The following VPS36 variants were observed in gnomAD, a reference collection of about 807,000 sequenced individuals.
VPS36 encodes the protein vacuolar protein sorting 36 homolog, also known as vacuolar protein-sorting-associated protein 36.
A neutral mutation model predicts 63.5 loss-of-function variants in VPS36; 31 were observed. That is an observed-to-expected ratio of 0.49 (90% CI 0.37 to 0.66). The LOEUF (loss-of-function observed/expected upper bound fraction) is 0.66. VPS36 is among the 30% of genes least tolerant of loss of function. The pLI, the probability that VPS36 is intolerant of heterozygous loss-of-function variation, is 0.00. For synonymous variants in VPS36, 138 were observed against 157.2 expected (o/e 0.88, Z 0.91); for missense variants, 338 against 463.7 (o/e 0.73, Z 2.49).
In VPS36 at chr13:52,449,104, GA is replaced by G. The variant is rs1958372889; in HGVS notation, c.96+1394del. ...AGAGCCTGTAATCCCAGCTGTTTGG[GA>G]GGCCCAGGCGGGCGGATCATTTGAG... On this transcript the variant is annotated intron_variant, in intron 1 of 13. Coordinates refer to ENST00000378060, the MANE Select transcript of VPS36 (RefSeq NM_016075.4). Among the ~76,000 whole-genome samples the G allele has an allele frequency of 2.0e-5, 3 of 152,214 alleles. No individual in the cohort carries two copies. The South Asian group carries it at 6.2e-4, about 31-fold the overall frequency.
intron 10 of VPS36, among the ~76,000 whole-genome samples, chr13:52,420,111 G>A (rs774068643): frequency 1.1e-4 from 17 of 151,482 alleles, no homozygotes; most frequent in Non-Finnish European, 1.8e-4. Context: ...CGTGGTAGCC[G>A]TCGCCTGTAA....
intron 1 of VPS36, 146 bp downstream of exon 1, chr13:52,450,353 C>T (rs1391506141): frequency 8.2e-7 from 1 of 1,224,254 alleles, no homozygotes; most frequent in Non-Finnish European, 1.0e-6. Flanking sequence ...GAGCGCTGCA[C>T]CCCGCACAGA....
chr13:52,449,870 T>C, intron 1 of VPS36: 4 of 968,800 alleles, frequency 4.1e-6, no homozygotes, highest in Non-Finnish European at 4.9e-6. Flanking sequence ...CTAAAGCAAT[T>C]AGAAAACAAA....
intron 8 of VPS36, 136 bp from the exon 9 acceptor site, chr13:52,426,202 A>G: frequency 9.1e-7 from 1 of 1,096,122 alleles, no homozygotes; most frequent in South Asian, 1.7e-5. Flanking sequence ...GCTGTGAACT[A>G]TAAGGGAGCA....
Position 52,423,446 on chromosome 13 carries a change from C to T in VPS36, c.840+128G>A, listed in dbSNP as rs528214263. 5.7e-6 allele frequency: 4 copies of T among 707,636 alleles called. No homozygotes were observed. In the South Asian group the frequency reaches 8.9e-5, roughly 16 times the overall value. 43.8% of individuals were successfully genotyped at this position (707,636 alleles called of 1,614,324 possible). ...ACCTCCTAGATCCCAGGACAGTATT[C>T]TTTCACTGTACCACAGTGCTTCTCA... On this transcript the variant is annotated intron_variant, in intron 10 of 13. Coordinates refer to ENST00000378060, the MANE Select transcript of VPS36 (RefSeq NM_016075.4).
At chr13:52,442,129 T>C (rs760321222) in intron 2 of VPS36, among the ~76,000 whole-genome samples, 6 of 152,192 alleles carry the variant, frequency 3.9e-5, no homozygotes, top group Non-Finnish European at 7.4e-5. Flanking sequence ...TTCAGAAAAG[T>C]AAAATTTATT....
chr13:52,450,366 C>G (rs1176410650), intron 1 of VPS36, 133 bp downstream of exon 1: 2 of 1,239,744 alleles, frequency 1.6e-6, no homozygotes, highest in South Asian at 2.8e-5. Context: ...CGCACAGAGG[C>G]CTGCCGGGCC....
chr13:52,420,836 G>A (rs1958038698), intron 10 of VPS36, among the ~76,000 whole-genome samples: 1 of 152,134 alleles, frequency 6.6e-6, no homozygotes, highest in Non-Finnish European at 1.5e-5. Context: ...AAATTTGGGG[G>A]CCGGGCATGG....
Position 52,442,497 on chromosome 13 carries a change from T to C in VPS36, c.97-52A>G, listed in dbSNP as rs368796243. ...TTAATAACATATCACTCATTGTGGT[T>C]CCGATTTTCTTCTTCATGAATTATA... is the stretch of plus-strand genomic sequence containing the variant. On this transcript the variant is annotated intron_variant, in intron 1 of 13. Transcript: ENST00000378060. The C allele has an allele frequency of 7.7e-5, 115 of 1,492,168 alleles. No individual in the cohort carries two copies. In the African/African-American group the frequency reaches 1.3e-3, roughly 16 times the overall value. The allele number at this position is 1,492,168 out of a possible 1,614,324, so 92.4% of individuals were successfully genotyped here. A position where few individuals can be genotyped will look rare whatever the true frequency, so the allele number is the denominator to read the frequency against.
At chr13:52,440,693 CA>C (rs1195911626) in intron 2 of VPS36, among the ~76,000 whole-genome samples, 4 of 152,102 alleles carry the variant, frequency 2.6e-5, no homozygotes, top group African/African-American at 7.2e-5. Flanking sequence ...ATATGATAAT[CA>C]AAAAATTATA....
rs745348914 is a variant in VPS36 at position 52,426,984 on chromosome 13, T to C, written c.639+5A>G. 2 of 1,606,910 alleles carry C rather than the reference T, an allele frequency of 1.2e-6. No homozygotes were observed. The highest frequency in any genetic ancestry group is 1.7e-5 in the Admixed American group (1 of 58,676). ...CAAATGCCTTAAAAAAAGCAACTTA[T>C]TTACCTCATCTTCTGTGATGTCACC... On this transcript the variant is annotated splice_donor_5th_base_variant and intron_variant, in intron 8 of 13. Transcript: ENST00000378060.
At position 52,439,168 on chromosome 13, in the gene VPS36, C is replaced by T; in HGVS notation, c.166G>A (p.Glu56Lys). Residue 56 changes from glutamate to lysine, a missense_variant and splice_region_variant, in exon 3 of 14, where the codon GAG becomes AAG. By Grantham distance (56) the Glu-to-Lys change is moderately conservative. Coordinates refer to ENST00000378060, the MANE Select transcript of VPS36 (RefSeq NM_016075.4). ...GAAAGGAGAATGGCCATGCAACACT[C>T]CTAGGAGGAAATCAATAGCTTAAAT... Reference protein sequence around the residue: ...RLIWRDQKNHECCMAILLSQI... With the variant: ...RLIWRDQKNHKCCMAILLSQI... 2 of 1,613,150 alleles carry T rather than the reference C, an allele frequency of 1.2e-6. No homozygotes were observed. The highest frequency in any genetic ancestry group is 1.7e-6 in the Non-Finnish European group (2 of 1,179,552).
chr13:52,444,416 C>T (rs940057956), intron 1 of VPS36, among the ~76,000 whole-genome samples: 25 of 151,144 alleles, frequency 1.7e-4, no homozygotes, highest in Admixed American at 1.3e-3. Flanking sequence ...GCCGAGATCG[C>T]GCCACTGCAC....
At chr13:52,432,341 AC>A (rs1275944032) in intron 6 of VPS36, among the ~76,000 whole-genome samples, 3 of 152,094 alleles carry the variant, frequency 2.0e-5, no homozygotes, top group Non-Finnish European at 4.4e-5. Context: ...ACAGAGCAAG[AC>A]TCTGTCTCAA....
At chr13:52,449,103 GGA>G in intron 1 of VPS36, among the ~76,000 whole-genome samples, 1 of 152,224 alleles carries the variant, frequency 6.6e-6, no homozygotes. Context: ...CAGCTGTTTG[GGA>G]GGCCCAGGCG....
chr13:52,442,059 C>T (rs1052230097), intron 2 of VPS36, among the ~76,000 whole-genome samples: 1 of 152,216 alleles, frequency 6.6e-6, no homozygotes, highest in Non-Finnish European at 1.5e-5. Context: ...AGGGACGACA[C>T]GCTAACTCCT....
chr13:52,431,453 T>C (rs1311323478), intron 6 of VPS36, among the ~76,000 whole-genome samples: 2 of 152,044 alleles, frequency 1.3e-5, no homozygotes, highest in Non-Finnish European at 2.9e-5. Flanking sequence ...GGTTCTGAAA[T>C]ATCATTTCCC....
At chr13:52,421,131 A>C (rs921748455) in intron 10 of VPS36, among the ~76,000 whole-genome samples, 4 of 152,158 alleles carry the variant, frequency 2.6e-5, no homozygotes, top group African/African-American at 9.7e-5. Context: ...AACAAAACAA[A>C]AATTTTAAAG....
At chr13:52,436,026 T>A (rs1381611888) in intron 4 of VPS36, 1 of 325,842 alleles carries the variant, frequency 3.1e-6, no homozygotes, top group Non-Finnish European at 5.6e-6. Flanking sequence ...GCGAATGGCA[T>A]GACTTAGTGT....
Sources: gnomAD v4.1 joint callset for allele counts (sites outside exome capture counted in the v4.1 genomes callset) on GRCh38, gnomAD v4.1.1 for gene constraint, MANE v1.5 for transcripts, NCBI Gene and HGNC (gene_info 2026-07-23, HGNC 2026-07-21) for gene names.